QTMAN: variants seen among roughly 807,000 people sequenced by gnomAD.
QTMAN encodes queuosine-tRNA mannosyltransferase.
the QTMAN span, among the ~76,000 whole-genome samples, chr2:143,990,156 CCTG>C: frequency 6.6e-6 from 1 of 152,044 alleles, no homozygotes; most frequent in African/African-American, 2.4e-5. Context: ...AAAAAATTCT[CCTG>C]CTGACCAGTA....
the QTMAN span, chr2:143,952,891 C>T: frequency 3.5e-6 from 4 of 1,126,856 alleles, no homozygotes; most frequent in Non-Finnish European, 5.3e-6. Flanking sequence ...AAAGACATTA[C>T]CATCATAGCC....
At chr2:144,326,908 G>A in the QTMAN span, among the ~76,000 whole-genome samples, 14 of 152,142 alleles carry the variant, frequency 9.2e-5, no homozygotes, top group Non-Finnish European at 2.1e-4. Flanking sequence ...ATACCACACA[G>A]AGAGAGAGCA....
At chr2:144,177,223 G>T in the QTMAN span, 1 of 694,644 alleles carries the variant, frequency 1.4e-6, no homozygotes, top group South Asian at 1.5e-5. Flanking sequence ...AACATGTGAA[G>T]ACATCAATCC....
chr2:144,300,494 T>C, the QTMAN span, among the ~76,000 whole-genome samples: 2 of 152,180 alleles, frequency 1.3e-5, no homozygotes, highest in East Asian at 3.8e-4. Flanking sequence ...CAGCATTATG[T>C]CTAAGTGGTT....
chr2:144,124,372 A>T, the QTMAN span, among the ~76,000 whole-genome samples: 1 of 152,172 alleles, frequency 6.6e-6, no homozygotes, highest in Non-Finnish European at 1.5e-5. Context: ...AATGTGAGTT[A>T]TAATACCTAA....
At chr2:144,223,407 A>G in the QTMAN span, among the ~76,000 whole-genome samples, 2 of 152,278 alleles carry the variant, frequency 1.3e-5, no homozygotes, top group South Asian at 4.1e-4. Context: ...TTGATATGAA[A>G]AAGAAATCCT....
At chr2:144,009,901 C>T in the QTMAN span, among the ~76,000 whole-genome samples, 4 of 151,916 alleles carry the variant, frequency 2.6e-5, no homozygotes, top group East Asian at 7.8e-4. Flanking sequence ...TTCAATTCTC[C>T]TAAAGAAATG....
At chr2:144,142,857 T>C in the QTMAN span, among the ~76,000 whole-genome samples, 3 of 152,016 alleles carry the variant, frequency 2.0e-5, no homozygotes, top group Admixed American at 6.6e-5. Flanking sequence ...GCAACAACAA[T>C]GGTTCAAACT....
At chr2:144,219,740 T>C in the QTMAN span, among the ~76,000 whole-genome samples, 3 of 152,108 alleles carry the variant, frequency 2.0e-5, no homozygotes, top group African/African-American at 7.2e-5. Flanking sequence ...GAGGATCTCT[T>C]GAGCCTGGGA....
the QTMAN span, among the ~76,000 whole-genome samples, chr2:144,028,243 C>G: frequency 1.3e-5 from 2 of 152,148 alleles, no homozygotes; most frequent in South Asian, 4.1e-4. Flanking sequence ...TAAAGTATAA[C>G]AACGTATAGG....
chr2:144,297,016 ACT>A, the QTMAN span, among the ~76,000 whole-genome samples: 2 of 152,228 alleles, frequency 1.3e-5, no homozygotes, highest in African/African-American at 2.4e-5. Context: ...TATTATTATT[ACT>A]GTTTTAGTTT....
At chr2:144,260,153 A>C in the QTMAN span, among the ~76,000 whole-genome samples, 1 of 152,150 alleles carries the variant, frequency 6.6e-6, no homozygotes, top group African/African-American at 2.4e-5. Context: ...GAAAACACTT[A>C]ATGCGAATTC....
the QTMAN span, among the ~76,000 whole-genome samples, chr2:144,205,951 A>G: frequency 6.6e-6 from 1 of 152,250 alleles, no homozygotes; most frequent in African/African-American, 2.4e-5. Context: ...TTTTGACAAA[A>G]TAACTTGTTG....
At chr2:144,244,662 A>G in the QTMAN span, among the ~76,000 whole-genome samples, 1 of 152,114 alleles carries the variant, frequency 6.6e-6, no homozygotes, top group African/African-American at 2.4e-5. Context: ...TTAAACAAGA[A>G]TTTTTTTTAA....
the QTMAN span, among the ~76,000 whole-genome samples, chr2:144,243,760 C>A: frequency 1.9e-3 from 291 of 152,292 alleles, no homozygotes; most frequent in African/African-American, 6.3e-3. Context: ...TACTAAAGTT[C>A]AATCGCCTAT....
the QTMAN span, among the ~76,000 whole-genome samples, chr2:144,046,183 G>A: frequency 6.6e-6 from 1 of 152,056 alleles, no homozygotes; most frequent in Non-Finnish European, 1.5e-5. Flanking sequence ...TAAGACTCAG[G>A]ATGAATAGAT....
chr2:144,326,741 T>C, the QTMAN span, among the ~76,000 whole-genome samples: 1 of 152,300 alleles, frequency 6.6e-6, no homozygotes, highest in Admixed American at 6.5e-5. Context: ...ATCTAATCTA[T>C]ATGTATCACC....
At chr2:144,068,993 C>T in the QTMAN span, among the ~76,000 whole-genome samples, 6 of 152,026 alleles carry the variant, frequency 3.9e-5, no homozygotes, top group African/African-American at 7.2e-5. Context: ...TTACTGCAAC[C>T]GTTCTCTCAT....
chr2:143,974,149 T>A, the QTMAN span, among the ~76,000 whole-genome samples: 785 of 152,306 alleles, frequency 5.2e-3, 7 homozygotes, highest in African/African-American at 0.018. Context: ...GCTATCAATA[T>A]TAAACATATG....
Sources: gnomAD v4.1 joint callset for allele counts (sites outside exome capture counted in the v4.1 genomes callset) on GRCh38, gnomAD v4.1.1 for gene constraint, MANE v1.5 for transcripts, NCBI Gene and HGNC (gene_info 2026-07-23, HGNC 2026-07-21) for gene names.